Variants in ZNF831 observed in about 807,000 individuals in gnomAD.
The protein encoded by ZNF831 is chromosome 20 open reading frame 174.
ZNF831 carries 59 observed loss-of-function variants against 95.8 expected under a neutral mutation model. The observed-to-expected ratio is 0.62, with a 90% CI of 0.50 to 0.77. The LOEUF is 0.77. ZNF831 is among the 30% of genes least tolerant of loss of function. The probability of loss-of-function intolerance (pLI) is 0.00; values close to 1 mark genes in which losing one functional copy is unlikely to be tolerated. For synonymous variants in ZNF831, 961 were observed against 925.5 expected, an observed-to-expected ratio of 1.04 and a Z score of -0.70; for missense variants, 2,205 against 2,164.0, an observed-to-expected ratio of 1.02 and a Z score of -0.38.
chr20:59,193,733 C>T lies in ZNF831; in HGVS notation c.2714C>T (p.Pro905Leu). 2.5e-6 allele frequency: 4 copies of T among 1,610,886 alleles called. No individual in the cohort carries two copies. Among genetic ancestry groups the T allele is most frequent in the Non-Finnish European group, 3.4e-6 (4 of 1,178,470 alleles). Reference protein sequence around the residue: ...KRVGPRDKATPLHPAAPAPAE... With the variant: ...KRVGPRDKATLLHPAAPAPAE... ...GTGGGGCCAAGGGACAAGGCTACCC[C>T]ACTGCATCCTGCAGCCCCAGCCCCC... is the stretch of plus-strand genomic sequence containing the variant. The change falls in exon 2 of 6, where the codon CCA (proline) becomes CTA (leucine). Residue 905 changes from proline (P) to leucine (L), a missense_variant. Transcript: ENST00000371030.
At chr20:59,157,674 A>G (rs924704256) in intron 2 of ZNF831, among the ~76,000 whole-genome samples, 2 of 152,218 alleles carry the variant, frequency 1.3e-5, no homozygotes, top group Non-Finnish European at 2.9e-5. Flanking sequence ...TGGCTTGGAG[A>G]AGAGTTGGCA....
chr20:59,185,095 C>T (rs1482988815), intron 1 of ZNF831, among the ~76,000 whole-genome samples: 3 of 152,182 alleles, frequency 2.0e-5, no homozygotes, highest in African/African-American at 7.2e-5. Flanking sequence ...AAGAGGTAAG[C>T]CTTCTAGCGA....
At chr20:59,145,667 C>T (rs995721293) in intron 1 of ZNF831, among the ~76,000 whole-genome samples, 2 of 152,232 alleles carry the variant, frequency 1.3e-5, no homozygotes, top group East Asian at 1.9e-4. Context: ...TGGAAGCCCA[C>T]ACCCTCTTTT....
intron 1 of ZNF831, among the ~76,000 whole-genome samples, chr20:59,176,928 G>A (rs901429072): frequency 2.0e-5 from 3 of 152,168 alleles, no homozygotes; most frequent in Admixed American, 1.3e-4. Flanking sequence ...GTGGTGCTAT[G>A]TAACATTTTA....
At chr20:59,165,395 A>T (rs1183558432) in intron 1 of ZNF831, among the ~76,000 whole-genome samples, 1 of 152,238 alleles carries the variant, frequency 6.6e-6, no homozygotes, top group East Asian at 1.9e-4. Context: ...TGGACAAATC[A>T]CATCTATGGT....
intron 4 of ZNF831, among the ~76,000 whole-genome samples, chr20:59,215,401 A>G (rs1985612917): frequency 6.6e-6 from 1 of 152,214 alleles, no homozygotes. Context: ...TGGTTTTGCA[A>G]TTTCCTGCAG....
intron 4 of ZNF831, among the ~76,000 whole-genome samples, chr20:59,233,447 G>A (rs1243211636): frequency 6.6e-6 from 1 of 152,138 alleles, no homozygotes; most frequent in African/African-American, 2.4e-5. Flanking sequence ...AATAGGGTCT[G>A]TTTCCCCACT....
At chr20:59,187,229 C>G (rs1198471675) in intron 1 of ZNF831, among the ~76,000 whole-genome samples, 7 of 152,138 alleles carry the variant, frequency 4.6e-5, no homozygotes, top group Non-Finnish European at 1.0e-4. Flanking sequence ...CCCCCAGCTC[C>G]AAATCTACAT....
intron 4 of ZNF831, among the ~76,000 whole-genome samples, chr20:59,230,144 T>G (rs1986645176): frequency 6.6e-6 from 1 of 152,242 alleles, no homozygotes; most frequent in Non-Finnish European, 1.5e-5. Flanking sequence ...TTGAATGTAA[T>G]TACTAGTCTA....
chr20:59,135,164 T>C (rs1410424797), intron 1 of ZNF831, among the ~76,000 whole-genome samples: 1 of 152,212 alleles, frequency 6.6e-6, no homozygotes. Flanking sequence ...ACTGTTGCTG[T>C]AGAAAATTAC....
At position 59,194,056 on chromosome 20, in the gene ZNF831, C is replaced by T. The variant is rs756432013; in HGVS notation, c.3037C>T (p.Pro1013Ser). Residue 1013 changes from proline (P) to serine (S), a missense_variant, in exon 2 of 6, where the codon CCA becomes TCA. Physicochemically the swap from Pro to Ser is moderately conservative, Grantham distance 74. Transcript: ENST00000371030. ...CCTGGAGGACCCCAGCTGTTCCAGG[C>T]CACAGGATGGGAGAAAAGGGGCACA... ...SILEDPSCSR[P>S]QDGRKGAQLG... 8 of 1,531,008 alleles carry T rather than the reference C, an allele frequency of 5.2e-6. No homozygotes were observed. The highest frequency in any genetic ancestry group is 7.0e-6 in the Non-Finnish European group (8 of 1,140,842). 94.8% of individuals were successfully genotyped at this position (1,531,008 alleles called of 1,614,324 possible). A position where few individuals can be genotyped will look rare whatever the true frequency, so the allele number is the denominator to read the frequency against.
Position 59,254,453 on chromosome 20 carries a change from A to C in ZNF831, c.4744A>C (p.Lys1582Gln), listed in dbSNP as rs754872832. The change falls in exon 6 of 6, where the codon AAG (lysine) becomes CAG (glutamine). Residue 1582 changes from lysine (K) to glutamine (Q), a missense_variant. Lys to Gln is a moderately conservative substitution (Grantham distance 53). Coordinates refer to ENST00000371030, the MANE Select transcript of ZNF831 (RefSeq NM_178457.3). The surrounding 1 kb of genome is among the most constrained non-coding windows in gnomAD (Gnocchi z 4.5). The stretch of plus-strand genomic sequence containing the variant: ...ACCAAGTTCAGCTAGTTCACACCAC[A>C]AGGAAGGGAGACACAAGACGTTTTT... ...SGPSSASSHH[K>Q]EGRHKTFFPS... 3 of 1,614,116 alleles carry C rather than the reference A, an allele frequency of 1.9e-6. No homozygotes were observed. The highest frequency in any genetic ancestry group is 1.7e-6 in the Non-Finnish European group (2 of 1,180,018).
intron 4 of ZNF831, among the ~76,000 whole-genome samples, chr20:59,236,560 CT>C (rs1459920541): frequency 0.013 from 1,567 of 118,662 alleles, 15 homozygotes; most frequent in African/African-American, 0.038. Context: ...TAGTTTTTTG[CT>C]TTTTTTTTTT....
intron 4 of ZNF831, among the ~76,000 whole-genome samples, chr20:59,251,737 A>G (rs916478565): frequency 1.3e-5 from 2 of 152,222 alleles, no homozygotes; most frequent in African/African-American, 4.8e-5. Flanking sequence ...ACCTCAGACA[A>G]TTGGAGAGGT....
intron 3 of ZNF831, among the ~76,000 whole-genome samples, chr20:59,197,057 GA>G (rs1161285989): frequency 1.3e-5 from 2 of 152,056 alleles, no homozygotes; most frequent in African/African-American, 4.8e-5. Flanking sequence ...AAAGTGCTGG[GA>G]TTATAGGCGG....
At chr20:59,197,955 T>C (rs116875156) in intron 3 of ZNF831, among the ~76,000 whole-genome samples, 11,329 of 152,186 alleles carry the variant, frequency 0.074, 579 homozygotes, top group Non-Finnish European at 0.11. Flanking sequence ...TGACTGATAG[T>C]TGATGAGCCT....
chr20:59,144,689 A>C (rs895868819), intron 1 of ZNF831, among the ~76,000 whole-genome samples: 4 of 152,112 alleles, frequency 2.6e-5, no homozygotes, highest in Non-Finnish European at 4.4e-5. Flanking sequence ...GAAACCCTCA[A>C]ACCCAGCAGA....
Position 59,179,278 on chromosome 20 carries a change from G to A in ZNF831, c.-36-11706G>A, listed in dbSNP as rs75881290. 6.4e-3 allele frequency among the ~76,000 whole-genome samples: 969 copies of A among 152,240 alleles called. 10 individuals carry two copies. The highest frequency in any genetic ancestry group is 0.022 in the African/African-American group (916 of 41,540). On this transcript the variant is annotated intron_variant, in intron 1 of 5. Coordinates refer to ENST00000371030, the MANE Select transcript of ZNF831 (RefSeq NM_178457.3). ...GGGGGATAGCCCTGGTGTTACCCCC[G>A]CTTGTACCTGCTCCTCTCTGGTTGA... is the stretch of plus-strand genomic sequence containing the variant.
chr20:59,138,396 G>A (rs1249887952), intron 1 of ZNF831, among the ~76,000 whole-genome samples: 1 of 149,356 alleles, frequency 6.7e-6, no homozygotes, highest in African/African-American at 2.4e-5. Flanking sequence ...TTATGGTGCT[G>A]TCTTCCCCTG....
Sources: allele counts gnomAD v4.1 joint callset (sites outside exome capture counted in the v4.1 genomes callset), GRCh38; gene constraint gnomAD v4.1.1; non-coding constraint Gnocchi (gnomAD v3.1); transcripts MANE v1.5; gene names NCBI Gene and HGNC (gene_info 2026-07-23, HGNC 2026-07-21).